The following XRN2 variants were observed in gnomAD, a reference collection of about 807,000 sequenced individuals.
The protein encoded by XRN2 is 5'-3' exoribonuclease 2, also known as DHM1-like protein.
XRN2 carries 44 observed loss-of-function variants against 138.5 expected under a neutral mutation model. That is an observed-to-expected ratio of 0.32 (90% CI 0.25 to 0.41). XRN2 has a LOEUF of 0.41. Ranked by LOEUF, XRN2 falls within the 10% of genes least tolerant of loss-of-function variation. The probability of loss-of-function intolerance (pLI) is 1.00; values close to 1 mark genes in which losing one functional copy is unlikely to be tolerated. For missense variants in XRN2, 937 were observed against 1,169.3 expected, an observed-to-expected ratio of 0.80 and a Z score of 2.90; for synonymous variants, 354 against 369.4, an observed-to-expected ratio of 0.96 and a Z score of 0.48.
intron 16 of XRN2, among the ~76,000 whole-genome samples, chr20:21,345,462 G>A (rs2038424500): frequency 6.6e-6 from 1 of 152,088 alleles, no homozygotes. Flanking sequence ...AATTGATATG[G>A]TATATTCTGA....
At chr20:21,303,626 T>A in intron 1 of XRN2, 153 bp downstream of exon 1, 1 of 1,362,984 alleles carries the variant, frequency 7.3e-7, no homozygotes, top group Non-Finnish European at 9.4e-7. Flanking sequence ...CCACACGCGA[T>A]GGGACGCGGG....
chr20:21,361,706 T>A (rs1323267014), intron 24 of XRN2, among the ~76,000 whole-genome samples: 1 of 152,234 alleles, frequency 6.6e-6, no homozygotes, highest in East Asian at 1.9e-4. Flanking sequence ...TAAAAGACCT[T>A]CAAATGTTTG....
intron 13 of XRN2, among the ~76,000 whole-genome samples, chr20:21,335,738 C>T (rs947458737): frequency 8.5e-5 from 13 of 152,238 alleles, no homozygotes; most frequent in Non-Finnish European, 1.2e-4. Context: ...CCTTGAGTTA[C>T]AGTAGCTTCT....
At chr20:21,346,343 G>C (rs1600697327) in intron 16 of XRN2, 72 bp from the exon 17 acceptor site, 10 of 1,564,162 alleles carry the variant, frequency 6.4e-6, no homozygotes, top group Non-Finnish European at 7.9e-6. Flanking sequence ...ATTGATTTGG[G>C]GTATAAATTA....
chr20:21,310,231 C>A (rs1247097808), intron 1 of XRN2, among the ~76,000 whole-genome samples: 1 of 152,208 alleles, frequency 6.6e-6, no homozygotes, highest in Non-Finnish European at 1.5e-5. Flanking sequence ...TTTTCACACA[C>A]ATGGGAGATT....
At chr20:21,363,918 A>G (rs2038665299) in intron 24 of XRN2, among the ~76,000 whole-genome samples, 1 of 152,194 alleles carries the variant, frequency 6.6e-6, no homozygotes, top group South Asian at 2.1e-4. Flanking sequence ...CATTAAGGTC[A>G]TTAAGTATTC....
chr20:21,330,592 A>T (rs1472644094), intron 5 of XRN2, 24 bp from the exon 6 acceptor site: 46 of 1,613,618 alleles, frequency 2.9e-5, no homozygotes, highest in Non-Finnish European at 3.8e-5. Flanking sequence ...TGATAGGTTA[A>T]TTTATTTCTT....
intron 27 of XRN2, among the ~76,000 whole-genome samples, chr20:21,371,495 G>A (rs2038760794): frequency 6.6e-6 from 1 of 152,220 alleles, no homozygotes; most frequent in South Asian, 2.1e-4. Context: ...GCTAACAGCT[G>A]CTTCCCGTAA....
chr20:21,315,636 G>T lies in XRN2; in HGVS notation c.76-10643G>T, dbSNP rs930527537. 1.2e-4 allele frequency among the ~76,000 whole-genome samples: 18 copies of T among 152,092 alleles called. 1 individual carries two copies. Among genetic ancestry groups the T allele is most frequent in the African/African-American group, 4.1e-4 (17 of 41,432 alleles). ...GCCTCCTGAGTAGCTGGGACTACAG[G>T]CAGGCACCACCATGCCTGGCTAACT... On this transcript the variant is annotated intron_variant, in intron 1 of 29. Transcript: ENST00000377191.
At chr20:21,366,621 C>T (rs2038707727) in intron 26 of XRN2, among the ~76,000 whole-genome samples, 1 of 151,708 alleles carries the variant, frequency 6.6e-6, no homozygotes, top group Non-Finnish European at 1.5e-5. Flanking sequence ...ATATTTTTGT[C>T]TCACCACCAT....
At chr20:21,328,819 C>T (rs2038163456) in intron 4 of XRN2, 149 bp downstream of exon 4, 1 of 701,096 alleles carries the variant, frequency 1.4e-6, no homozygotes, top group Non-Finnish European at 2.4e-6. Context: ...AAAAGTAGTT[C>T]ATGAAATCTA....
Position 21,348,146 on chromosome 20 carries a change from G to T in XRN2, c.1666G>T (p.Gly556Cys). 1 of 1,607,126 alleles carries T rather than the reference G, an allele frequency of 6.2e-7. No individual in the cohort carries two copies. The highest frequency in any genetic ancestry group is 8.5e-7 in the Non-Finnish European group (1 of 1,178,150). ...GTTGTTACTTTTTTAATGATTCTAG[G>T]GCTGTGCTTCCTGGAAGTGGTATTA... ...LCWVLRYYYQ[G>C]CASWKWYYPF... The change falls in exon 18 of 30, where the codon GGC becomes TGC. Residue 556 changes from glycine (G) to cysteine (C), a missense_variant and splice_region_variant. Gly to Cys is a radical substitution (Grantham distance 159). This residue lies in a region of XRN2 where 471 missense variants were observed against 581.2 expected (regional missense o/e 0.81). Transcript: ENST00000377191.
At chr20:21,384,271 C>T (rs919580477) in intron 28 of XRN2, among the ~76,000 whole-genome samples, 1 of 152,102 alleles carries the variant, frequency 6.6e-6, no homozygotes, top group Admixed American at 6.5e-5. Context: ...CAGTCATTTG[C>T]AAGGCAGCCA....
intron 4 of XRN2, among the ~76,000 whole-genome samples, chr20:21,329,710 G>T (rs2038176700): frequency 6.6e-6 from 1 of 152,010 alleles, no homozygotes; most frequent in African/African-American, 2.4e-5. Context: ...TAGTGATAGA[G>T]AGGAAAAAAT....
rs769804845 is a variant in XRN2 at position 21,330,722 on chromosome 20, G to T, written c.576+17G>T. The T allele has an allele frequency of 1.9e-6, 3 of 1,600,874 alleles. No individual in the cohort carries two copies. In the South Asian group the frequency reaches 3.3e-5, roughly 18 times the overall value. On this transcript the variant is annotated intron_variant, in intron 6 of 29. Coordinates refer to ENST00000377191, the MANE Select transcript of XRN2 (RefSeq NM_012255.5). Reference sequence around the variant, plus strand: ...AATTTGACAGTAAGTTTCACATTTTGATACTTCAGAAAGATTAGGGTGATC... The same window carrying T: ...AATTTGACAGTAAGTTTCACATTTTTATACTTCAGAAAGATTAGGGTGATC...
intron 15 of XRN2, among the ~76,000 whole-genome samples, chr20:21,341,093 C>G (rs990167822): frequency 6.6e-6 from 1 of 152,162 alleles, no homozygotes; most frequent in African/African-American, 2.4e-5. Flanking sequence ...AGAGCTGATT[C>G]CAGTTTGGGT....
chr20:21,351,672 C>T (rs1300305703), intron 20 of XRN2, among the ~76,000 whole-genome samples: 1 of 152,176 alleles, frequency 6.6e-6, no homozygotes, highest in African/African-American at 2.4e-5. Flanking sequence ...AATCCGACAT[C>T]ATGAATCTTT....
rs548727737 is a variant in XRN2 at position 21,326,198 on chromosome 20, A to G, written c.76-81A>G. 1.4e-5 allele frequency: 20 copies of G among 1,402,508 alleles called. No individual in the cohort carries two copies. The South Asian group carries it at 2.2e-4, about 16-fold the overall frequency. 86.9% of individuals were successfully genotyped at this position (1,402,508 alleles called of 1,614,324 possible). On this transcript the variant is annotated intron_variant, in intron 1 of 29. Coordinates refer to ENST00000377191, the MANE Select transcript of XRN2 (RefSeq NM_012255.5). ...GTTTTATTTCCAGTTCAGAAATGAA[A>G]CACAAGTTCATATTGAGCCTAGGAT... is the stretch of plus-strand genomic sequence containing the variant.
chr20:21,365,984 C>G (rs1201823812), intron 26 of XRN2, among the ~76,000 whole-genome samples: 38 of 97,288 alleles, frequency 3.9e-4, no homozygotes, highest in African/African-American at 1.5e-3. Flanking sequence ...CGTGCCCGGC[C>G]GAAACCCAGT....
Sources: allele counts gnomAD v4.1 joint callset (sites outside exome capture counted in the v4.1 genomes callset), GRCh38; gene constraint gnomAD v4.1.1; regional missense constraint gnomAD v4.1.1; transcripts MANE v1.5; gene names NCBI Gene and HGNC (gene_info 2026-07-23, HGNC 2026-07-21).